The following MOB1A variants were observed in gnomAD, a reference collection of about 807,000 sequenced individuals.
MOB1A encodes the protein MOB kinase activator 1A, also known as MOB1 Mps One Binder homolog A.
In MOB1A, 10 loss-of-function variants were observed where a neutral mutation model predicts 25.1. That is an observed-to-expected ratio of 0.40 (90% CI 0.25 to 0.68). The LOEUF is 0.68. Ranked by LOEUF, MOB1A falls within the 30% of genes least tolerant of loss-of-function variation. MOB1A has a pLI of 0.40. For synonymous variants in MOB1A, 81 were observed against 79.5 expected (o/e 1.02, Z -0.10); for missense variants, 177 against 256.3 (o/e 0.69, Z 2.11).
intron 5 of MOB1A, among the ~76,000 whole-genome samples, chr2:74,157,730 C>T (rs1480007452): frequency 6.6e-6 from 1 of 152,088 alleles, no homozygotes; most frequent in East Asian, 1.9e-4. Context: ...CAGAAGCGTT[C>T]TGTGTGGTGA....
intron 2 of MOB1A, among the ~76,000 whole-genome samples, chr2:74,167,495 C>T (rs1277184458): frequency 1.3e-5 from 2 of 152,078 alleles, no homozygotes; most frequent in Admixed American, 6.6e-5. Flanking sequence ...ATGATCCACT[C>T]GCATGTAACA....
chr2:74,163,223 G>C (rs894278141), intron 4 of MOB1A, among the ~76,000 whole-genome samples: 1 of 152,022 alleles, frequency 6.6e-6, no homozygotes, highest in African/African-American at 2.4e-5. Flanking sequence ...TTATCAGAAA[G>C]GAAGAGACAA....
At chr2:74,177,910 T>C (rs993189408) in intron 1 of MOB1A, 1 of 152,158 alleles carries the variant, frequency 6.6e-6, no homozygotes, top group Non-Finnish European at 1.5e-5. Context: ...CCTTGTTTGG[T>C]TGGGCTCAGG....
intron 3 of MOB1A, among the ~76,000 whole-genome samples, chr2:74,166,477 GACTT>G (rs1189467362): frequency 6.6e-6 from 1 of 152,136 alleles, no homozygotes; most frequent in Non-Finnish European, 1.5e-5. Flanking sequence ...AAAACATTCA[GACTT>G]ACTATGATGC....
At chr2:74,170,234 C>T (rs1162787407) in intron 2 of MOB1A, among the ~76,000 whole-genome samples, 10 of 151,544 alleles carry the variant, frequency 6.6e-5, no homozygotes, top group South Asian at 4.2e-4. Flanking sequence ...CTCCACCTCC[C>T]GGGAAGTGAT....
intron 1 of MOB1A, among the ~76,000 whole-genome samples, chr2:74,174,615 T>C: frequency 6.6e-6 from 1 of 152,234 alleles, no homozygotes; most frequent in Non-Finnish European, 1.5e-5. Context: ...AATGTTTTTA[T>C]TCCTATCTCA....
At position 74,155,969 on chromosome 2, in the gene MOB1A, A is replaced by C. The variant is rs1692794561; in HGVS notation, c.*599T>G. 1 of 152,648 alleles carries C rather than the reference A, an allele frequency of 6.6e-6. No homozygotes were observed. The allele number at this position is 152,648 out of a possible 1,614,324, so 9.5% of individuals were successfully genotyped here. ...CACCCACACGTCATATGATGATTTAAACTGCAATCATGAATTTTGAAAAAA... is the reference window on the plus strand; with the variant it reads ...CACCCACACGTCATATGATGATTTACACTGCAATCATGAATTTTGAAAAAA... On this transcript the variant is annotated 3_prime_UTR_variant, in exon 6 of 6. Transcript: ENST00000396049.
At chr2:74,169,906 G>A (rs1693237843) in intron 2 of MOB1A, among the ~76,000 whole-genome samples, 1 of 152,130 alleles carries the variant, frequency 6.6e-6, no homozygotes, top group South Asian at 2.1e-4. Flanking sequence ...TGGGATTACA[G>A]ACATGAGCCA....
chr2:74,176,934 T>C (rs564162010), intron 1 of MOB1A, among the ~76,000 whole-genome samples: 2 of 152,156 alleles, frequency 1.3e-5, no homozygotes, highest in South Asian at 4.1e-4. Context: ...CCTAAGTATA[T>C]ACCCAAGAGA....
rs770623026 is a variant in MOB1A, at chr2:74,172,629, C to T, written c.138G>A (p.Met46Ile). The change falls in exon 2 of 6, where the codon ATG becomes ATA. Residue 46 changes from methionine (M) to isoleucine (I), a missense_variant. Coordinates refer to ENST00000396049, the MANE Select transcript of MOB1A (RefSeq NM_018221.5). The stretch of plus-strand genomic sequence containing the variant: ...CATTGAGATCCTCTCCCTCAGGCAA[C>T]ATAACAGCTTGTCTCAGATTCCCAC... ...LGSGNLRQAV[M>I]LPEGEDLNEW... The T allele has an allele frequency of 1.9e-4, 314 of 1,613,828 alleles. 1 individual carries two copies. The highest frequency in any genetic ancestry group is 2.6e-4 in the Non-Finnish European group (308 of 1,179,862).
chr2:74,162,858 T>C (rs1000469696), intron 4 of MOB1A, among the ~76,000 whole-genome samples: 2 of 152,124 alleles, frequency 1.3e-5, no homozygotes, highest in South Asian at 2.1e-4. Context: ...AAACTCTTAA[T>C]CAAAATATTA....
chr2:74,167,421 T>C (rs551021073), intron 2 of MOB1A, among the ~76,000 whole-genome samples: 1 of 152,298 alleles, frequency 6.6e-6, no homozygotes, highest in East Asian at 1.9e-4. Context: ...AATTTTGTTT[T>C]GGTATTTTTA....
intron 2 of MOB1A, among the ~76,000 whole-genome samples, chr2:74,170,422 C>T (rs1207761540): frequency 6.6e-6 from 1 of 152,116 alleles, no homozygotes; most frequent in Non-Finnish European, 1.5e-5. Context: ...CAGGCGTGAG[C>T]CACCATGCCC....
chr2:74,154,913 A>G lies in MOB1A; in HGVS notation c.*1655T>C, dbSNP rs377522148. On this transcript the variant is annotated 3_prime_UTR_variant, in exon 6 of 6. Transcript: ENST00000396049. ...TCAATGATATGTGGATGCTAACTAA[A>G]TCAGATGAAATGTTTTCTTTAAAAT... 6.6e-6 allele frequency: 1 copy of G among 152,314 alleles called. No individual in the cohort carries two copies. The highest frequency in any genetic ancestry group is 1.9e-4 in the East Asian group (1 of 5,196). The allele number at this position is 152,314 out of a possible 1,614,324, so 9.4% of individuals were successfully genotyped here.
intron 4 of MOB1A, among the ~76,000 whole-genome samples, chr2:74,161,294 T>C (rs960640734): frequency 6.6e-6 from 1 of 152,192 alleles, no homozygotes; most frequent in Non-Finnish European, 1.5e-5. Context: ...TCAGACATTA[T>C]CCTGGAGCTT....
intron 4 of MOB1A, among the ~76,000 whole-genome samples, chr2:74,161,017 G>A (rs1186507286): frequency 2.6e-5 from 4 of 152,058 alleles, no homozygotes; most frequent in Non-Finnish European, 4.4e-5. Context: ...CAAGATTGCC[G>A]CCACTGCACT....
intron 1 of MOB1A, among the ~76,000 whole-genome samples, chr2:74,176,099 C>CACACAA (rs1693449992): frequency 7.0e-6 from 1 of 142,084 alleles, no homozygotes; most frequent in Admixed American, 7.0e-5. Flanking sequence ...CACACACACA[C>CACACAA]ACACACACAC....
chr2:74,176,275 C>CAAAAAA (rs1201428854), intron 1 of MOB1A, among the ~76,000 whole-genome samples: 2 of 29,612 alleles, frequency 6.8e-5, no homozygotes, highest in African/African-American at 1.6e-4. Context: ...GACCCTGTCT[C>CAAAAAA]AAAAAAAAAA....
Position 74,178,856 on chromosome 2 carries a change from T to G in MOB1A, c.-182A>C. 2 of 388,454 alleles carry G rather than the reference T, an allele frequency of 5.1e-6. No homozygotes were observed. Among genetic ancestry groups the G allele is most frequent in the East Asian group, 3.7e-5 (1 of 26,868 alleles). 24.1% of individuals were successfully genotyped at this position (388,454 alleles called of 1,614,324 possible). A position where few individuals can be genotyped will look rare whatever the true frequency, so the allele number is the denominator to read the frequency against. On this transcript the variant is annotated 5_prime_UTR_variant, in exon 1 of 6. Coordinates refer to ENST00000396049, the MANE Select transcript of MOB1A (RefSeq NM_018221.5). Reference sequence around the variant, plus strand: ...AACCTCGGCGCCCGCCTTGCCCGCCTACCCCACCTCGCAGACCCGAAATGC... The same window carrying G: ...AACCTCGGCGCCCGCCTTGCCCGCCGACCCCACCTCGCAGACCCGAAATGC...
Sources: allele counts gnomAD v4.1 joint callset (sites outside exome capture counted in the v4.1 genomes callset), GRCh38; gene constraint gnomAD v4.1.1; transcripts MANE v1.5; gene names NCBI Gene and HGNC (gene_info 2026-07-23, HGNC 2026-07-21).